The following AGBL4 variants were observed in gnomAD, a reference collection of about 807,000 sequenced individuals.
AGBL4 encodes the protein AGBL carboxypeptidase 4.
A neutral mutation model predicts 66.4 loss-of-function variants in AGBL4; 58 were observed. That is an observed-to-expected ratio of 0.87 (90% CI 0.71 to 1.09). The LOEUF (loss-of-function observed/expected upper bound fraction) is 1.09, where lower values mean the gene tolerates loss of function less well. Ranked by LOEUF, AGBL4 falls within the 50% of genes least tolerant of loss-of-function variation. The pLI is 0.00. For synonymous variants in AGBL4, 234 were observed against 222.9 expected, an observed-to-expected ratio of 1.05 and a Z score of -0.44; for missense variants, 579 against 631.0, an observed-to-expected ratio of 0.92 and a Z score of 0.88.
At chr1:49,758,084 G>C (rs1443834699) in intron 2 of AGBL4, among the ~76,000 whole-genome samples, 20 of 152,190 alleles carry the variant, frequency 1.3e-4, no homozygotes, top group Admixed American at 1.2e-3. Flanking sequence ...AGTTCCAGCT[G>C]TGGCTAAAAG....
rs570343678 is a variant in AGBL4 at position 49,447,806 on chromosome 1, C to T, written c.283-201942G>A. 3.3e-5 allele frequency among the ~76,000 whole-genome samples: 5 copies of T among 152,272 alleles called. No homozygotes were observed. The East Asian group carries it at 9.7e-4, about 29-fold the overall frequency. ...CTACTTGATTCCTTCTCCTTCTTTG[C>T]CTCAGGTGTTCCCCATGAGTTCTCT... On this transcript the variant is annotated intron_variant, in intron 3 of 13. Coordinates refer to ENST00000371839, the MANE Select transcript of AGBL4 (RefSeq NM_032785.4).
chr1:49,566,311 C>A lies in AGBL4; in HGVS notation c.282+131002G>T, dbSNP rs368983545. 3.3e-4 allele frequency among the ~76,000 whole-genome samples: 51 copies of A among 152,264 alleles called. 1 individual carries two copies. In the South Asian group the frequency reaches 9.6e-3, roughly 29 times the overall value. The stretch of plus-strand genomic sequence containing the variant: ...TTCTTCTCTCAATTCATCAAAGTTA[C>A]ACTCCGTCCAGCTTTGTTCCGTTGC... On this transcript the variant is annotated intron_variant, in intron 3 of 13. Coordinates refer to ENST00000371839, the MANE Select transcript of AGBL4 (RefSeq NM_032785.4).
intron 1 of AGBL4, among the ~76,000 whole-genome samples, chr1:50,012,165 CAAAAAAAAAAA>C (rs34501869): frequency 2.1e-5 from 1 of 47,776 alleles, no homozygotes; most frequent in East Asian, 5.9e-4. Flanking sequence ...GACTCCGTCT[CAAAAAAAAAAA>C]AAAAAAAAAA....
At chr1:49,125,918 T>A (rs1230297231) in intron 4 of AGBL4, among the ~76,000 whole-genome samples, 2 of 152,176 alleles carry the variant, frequency 1.3e-5, no homozygotes, top group Non-Finnish European at 2.9e-5. Flanking sequence ...CCAGATTCAT[T>A]TTCATTGGAA....
intron 3 of AGBL4, among the ~76,000 whole-genome samples, chr1:49,264,544 C>G (rs1337605055): frequency 6.6e-6 from 1 of 151,882 alleles, no homozygotes; most frequent in Non-Finnish European, 1.5e-5. Flanking sequence ...TGACAGCCTC[C>G]CATAAGTTTT....
chr1:49,615,182 A>G (rs1645227799), intron 3 of AGBL4, among the ~76,000 whole-genome samples: 1 of 152,110 alleles, frequency 6.6e-6, no homozygotes, highest in Non-Finnish European at 1.5e-5. Flanking sequence ...ATAAACCTAC[A>G]TAGAAGTTTG....
chr1:49,286,201 G>A (rs1168878439), intron 3 of AGBL4, among the ~76,000 whole-genome samples: 3 of 152,148 alleles, frequency 2.0e-5, no homozygotes, highest in African/African-American at 2.4e-5. Flanking sequence ...AGGTATTGAT[G>A]GGACATATCT....
At chr1:49,034,440 A>C (rs938780170) in intron 5 of AGBL4, among the ~76,000 whole-genome samples, 1 of 152,124 alleles carries the variant, frequency 6.6e-6, no homozygotes, top group African/African-American at 2.4e-5. Flanking sequence ...GTCTCCAGTA[A>C]TATGCCTAGG....
chr1:49,166,396 A>C (rs1363744066), intron 4 of AGBL4, among the ~76,000 whole-genome samples: 1 of 152,128 alleles, frequency 6.6e-6, no homozygotes, highest in African/African-American at 2.4e-5. Flanking sequence ...ACTCAGGCAA[A>C]TCATGCACTC....
intron 3 of AGBL4, among the ~76,000 whole-genome samples, chr1:49,521,989 T>G (rs1650301501): frequency 1.3e-5 from 2 of 152,018 alleles, no homozygotes; most frequent in African/African-American, 4.8e-5. Flanking sequence ...GATGGGATCA[T>G]TCGTACCCCA....
chr1:49,705,432 A>G (rs1266452354), intron 2 of AGBL4, among the ~76,000 whole-genome samples: 1 of 150,092 alleles, frequency 6.7e-6, no homozygotes, highest in East Asian at 2.0e-4. Context: ...CTTGCCTGAT[A>G]GCCCTAGCCA....
At chr1:49,768,644 C>T (rs1363823292) in intron 2 of AGBL4, among the ~76,000 whole-genome samples, 1 of 152,078 alleles carries the variant, frequency 6.6e-6, no homozygotes, top group Non-Finnish European at 1.5e-5. Flanking sequence ...CTCAACACTC[C>T]TATTCAACAT....
At chr1:49,346,067 AT>A (rs1429770641) in intron 3 of AGBL4, among the ~76,000 whole-genome samples, 1 of 152,186 alleles carries the variant, frequency 6.6e-6, no homozygotes, top group African/African-American at 2.4e-5. Context: ...ATGGCAAATA[AT>A]TATTCTTGCT....
At chr1:49,615,664 G>A (rs371581713) in intron 3 of AGBL4, among the ~76,000 whole-genome samples, 3 of 152,188 alleles carry the variant, frequency 2.0e-5, no homozygotes, top group African/African-American at 2.4e-5. Flanking sequence ...AGTCATAGCC[G>A]AATGAACACA....
intron 11 of AGBL4, among the ~76,000 whole-genome samples, chr1:48,582,111 A>G (rs1644749356): frequency 1.3e-5 from 2 of 152,328 alleles, no homozygotes; most frequent in Admixed American, 6.5e-5. Flanking sequence ...AAGCCCCTCA[A>G]TTAAGAACCC....
intron 5 of AGBL4, among the ~76,000 whole-genome samples, chr1:48,961,453 G>A (rs988522152): frequency 1.3e-5 from 2 of 152,186 alleles, no homozygotes; most frequent in Non-Finnish European, 2.9e-5. Flanking sequence ...AAGTAGAAAT[G>A]CAGAAAGACC....
intron 5 of AGBL4, among the ~76,000 whole-genome samples, chr1:48,894,222 C>G (rs1049336768): frequency 1.3e-5 from 2 of 152,116 alleles, no homozygotes; most frequent in African/African-American, 2.4e-5. Flanking sequence ...TTAAGAAAGA[C>G]AATAGTTACA....
chr1:48,908,927 CTT>C (rs11367648), intron 5 of AGBL4, among the ~76,000 whole-genome samples: 12,173 of 147,006 alleles, frequency 0.083, 676 homozygotes, highest in East Asian at 0.17. Flanking sequence ...TCAACCTTGC[CTT>C]TTTTTTTTTT....
At chr1:49,727,976 T>C (rs1375725559) in intron 2 of AGBL4, among the ~76,000 whole-genome samples, 1 of 152,130 alleles carries the variant, frequency 6.6e-6, no homozygotes, top group African/African-American at 2.4e-5. Flanking sequence ...AAAAGAGTAT[T>C]GAAAAGGGGT....
Sources: allele counts gnomAD v4.1 joint callset (sites outside exome capture counted in the v4.1 genomes callset), GRCh38; gene constraint gnomAD v4.1.1; transcripts MANE v1.5; gene names NCBI Gene and HGNC (gene_info 2026-07-23, HGNC 2026-07-21).